The following VPS28 variants were observed in gnomAD, a reference collection of about 807,000 sequenced individuals.
VPS28 encodes VPS28 subunit of ESCRT-I, also known as vacuolar protein sorting-associated protein 28 homolog.
VPS28 carries 29 observed loss-of-function variants against 33.7 expected under a neutral mutation model. That is an observed-to-expected ratio of 0.86 (90% CI 0.64 to 1.17). The LOEUF (loss-of-function observed/expected upper bound fraction) is 1.17, where lower values mean the gene tolerates loss of function less well. Ranked by LOEUF, VPS28 falls within the 50% of genes most tolerant of loss-of-function variation. VPS28 has a pLI of 0.00. For synonymous variants in VPS28, 164 were observed against 116.7 expected, an observed-to-expected ratio of 1.40 and a Z score of -2.61; for missense variants, 247 against 312.2, an observed-to-expected ratio of 0.79 and a Z score of 1.57.
chr8:144,424,936 A>G lies in VPS28; in HGVS notation c.300+10T>C. 1.9e-6 allele frequency: 3 copies of G among 1,593,216 alleles called. No homozygotes were observed. The highest frequency in any genetic ancestry group is 2.6e-6 in the Non-Finnish European group (3 of 1,169,192). Reference sequence around the variant, plus strand: ...CTCGCCCCATGGGGGTGGAAGGACCAGGCACTCACGCGGAACTTGCGGCAG... The same window carrying G: ...CTCGCCCCATGGGGGTGGAAGGACCGGGCACTCACGCGGAACTTGCGGCAG... On this transcript the variant is annotated intron_variant, in intron 6 of 9. Transcript: ENST00000292510.
rs782623371 is a variant in VPS28 at position 144,423,925 on chromosome 8, G to A, written c.549-3C>T. ...ACATGCCGCTCAGGGTCTGCAGCCT[G>A]GGAGTGCAGCACAGGGCATGTGGGG... is the stretch of plus-strand genomic sequence containing the variant. On this transcript the variant is annotated splice_polypyrimidine_tract_variant and splice_region_variant and intron_variant, in intron 9 of 9. Transcript: ENST00000292510. 2.5e-6 allele frequency: 4 copies of A among 1,613,002 alleles called. No homozygotes were observed. Among genetic ancestry groups the A allele is most frequent in the African/African-American group, 2.7e-5 (2 of 74,948 alleles).
intron 2 of VPS28, chr8:144,426,526 AGCTCCCCAGCTCCACCATG>A (rs1822760777): frequency 4.7e-6 from 2 of 426,962 alleles, no homozygotes; most frequent in Non-Finnish European, 8.5e-6. Context: ...TGACAGGCCC[AGCTCCCCAGCTCCACCATG>A]GCTCCCTGGC....
chr8:144,425,247 C>T, intron 5 of VPS28, 196 bp from the exon 6 acceptor site: 1 of 605,546 alleles, frequency 1.7e-6, no homozygotes, highest in South Asian at 2.0e-5. Flanking sequence ...TGTAGCTCGG[C>T]TCCAGGTGGA....
rs1374288156 is a variant in VPS28 at position 144,425,762 on chromosome 8, T to C, written c.115A>G (p.Met39Val). 1.9e-6 allele frequency: 3 copies of C among 1,613,870 alleles called. No homozygotes were observed. Among genetic ancestry groups the C allele is most frequent in the Non-Finnish European group, 2.5e-6 (3 of 1,179,894 alleles). Residue 39 changes from methionine to valine, a missense_variant, in exon 5 of 10, where the codon ATG (methionine) becomes GTG (valine). By Grantham distance (21) the Met-to-Val change is conservative. Transcript: ENST00000292510. ...TTCACCACCGCAAACAGCTCTGCCATGTTGTCGTACCTGAGGACACACCTG... is the reference window on the plus strand; with the variant it reads ...TTCACCACCGCAAACAGCTCTGCCACGTTGTCGTACCTGAGGACACACCTG... The part of the protein sequence containing the change: ...NAREREKYDN[M>V]AELFAVVKTM...
At chr8:144,427,792 G>C (rs556389484) in intron 1 of VPS28, among the ~76,000 whole-genome samples, 1 of 152,378 alleles carries the variant, frequency 6.6e-6, no homozygotes, top group Admixed American at 6.5e-5. Context: ...TTCTCTCTTT[G>C]AAAGTGGAGC....
Position 144,423,691 on chromosome 8 carries a change from C to G in VPS28, c.*114G>C. On this transcript the variant is annotated 3_prime_UTR_variant, in exon 10 of 10. Coordinates refer to ENST00000292510, the MANE Select transcript of VPS28 (RefSeq NM_016208.4). ...TCTGACACCAAAGACAGACACCAGA[C>G]AGGCAGCTGCAGACAGTGAGTTGTG... The G allele has an allele frequency of 2.2e-6, 3 of 1,353,626 alleles. No homozygotes were observed. 83.9% of individuals were successfully genotyped at this position (1,353,626 alleles called of 1,614,324 possible).
In VPS28 at chr8:144,424,124, G is replaced by C; in HGVS notation, c.465C>G (p.Pro155=). Residue 155 remains proline (P), a synonymous_variant, in exon 9 of 10, where the codon CCC becomes CCG. Transcript: ENST00000292510. ...LEIRAMDEIQ[P]DLRELMETMH... is the part of the protein sequence containing the mutation. ...TGGTCTCCATCAGCTCTCGCAGGTCGGGCTGGATCTGAGACACACACAGCG... is the reference window on the plus strand; with the variant it reads ...TGGTCTCCATCAGCTCTCGCAGGTCCGGCTGGATCTGAGACACACACAGCG... 1 of 1,548,786 alleles carries C rather than the reference G, an allele frequency of 6.5e-7. No individual in the cohort carries two copies. The highest frequency in any genetic ancestry group is 8.7e-7 in the Non-Finnish European group (1 of 1,143,994).
intron 7 of VPS28, 43 bp from the exon 8 acceptor site, chr8:144,424,311 C>T (rs371157348): frequency 1.9e-5 from 30 of 1,546,844 alleles, no homozygotes; most frequent in African/African-American, 8.3e-5. Context: ...TCCACGGGTG[C>T]GGGAGGCCCC....
chr8:144,425,209 G>A (rs1554876414), intron 5 of VPS28, 158 bp from the exon 6 acceptor site: 1 of 659,740 alleles, frequency 1.5e-6, no homozygotes, highest in African/African-American at 1.8e-5. Context: ...AGCTTTTGGG[G>A]GTGAGGCCCT....
chr8:144,424,624 C>T, intron 7 of VPS28, 94 bp downstream of exon 7: 1 of 1,354,234 alleles, frequency 7.4e-7, no homozygotes, highest in Non-Finnish European at 1.0e-6. Flanking sequence ...CAGAGTGCTG[C>T]TCAGCTCTGG....
intron 4 of VPS28, 70 bp downstream of exon 4, chr8:144,425,956 C>A: frequency 6.8e-7 from 1 of 1,471,104 alleles, no homozygotes; most frequent in South Asian, 1.4e-5. Context: ...TGGGGTGGGT[C>A]TGGAGGGGCT....
chr8:144,423,900 A>C lies in VPS28; in HGVS notation c.571T>G (p.Ser191Ala). The C allele has an allele frequency of 6.2e-7, 1 of 1,613,102 alleles. No homozygotes were observed. Among genetic ancestry groups the C allele is most frequent in the Non-Finnish European group, 8.5e-7 (1 of 1,180,028 alleles). ...SQWLQTLSGM[S>A]ASDELDDSQV... The stretch of plus-strand genomic sequence containing the variant: ...GAGTCGTCCAGCTCATCTGACGCCG[A>C]CATGCCGCTCAGGGTCTGCAGCCTG... Residue 191 changes from serine to alanine, a missense_variant, in exon 10 of 10, where the codon TCG becomes GCG. By Grantham distance (99) the Ser-to-Ala change is moderately conservative. Around this residue, in one of 3 missense-constraint regions of VPS28, gnomAD observed 95 missense variants for 118.3 expected, o/e 0.80. Transcript: ENST00000292510.
chr8:144,425,122 TC>T, intron 5 of VPS28, 71 bp from the exon 6 acceptor site: 1 of 1,407,920 alleles, frequency 7.1e-7, no homozygotes, highest in Non-Finnish European at 9.8e-7. Context: ...CCTCGGCTGG[TC>T]CAGAGGCAAA....
At chr8:144,425,600 C>T (rs1586666733) in intron 5 of VPS28, 83 bp downstream of exon 5, 2 of 1,481,926 alleles carry the variant, frequency 1.3e-6, no homozygotes, top group East Asian at 2.3e-5. Flanking sequence ...GCCTCCCAGC[C>T]TGACAGACGC....
Position 144,424,955 on chromosome 8 carries a change from G to C in VPS28, c.291C>G (p.Arg97=). 2 of 1,576,282 alleles carry C rather than the reference G, an allele frequency of 1.3e-6. No homozygotes were observed. The highest frequency in any genetic ancestry group is 1.7e-6 in the Non-Finnish European group (2 of 1,159,984). Residue 97 remains arginine (R), a synonymous_variant, in exon 6 of 10, where the codon CGC becomes CGG. Coordinates refer to ENST00000292510, the MANE Select transcript of VPS28 (RefSeq NM_016208.4). The stretch of plus-strand genomic sequence containing the variant: ...AGGACCAGGCACTCACGCGGAACTT[G>C]CGGCAGAATTCGTCAATAGAGCTGA... ...SEISSIDEFC[R]KFRLDCPLAM... is the part of the protein sequence containing the mutation.
intron 1 of VPS28, among the ~76,000 whole-genome samples, chr8:144,427,857 A>C (rs1410864023): frequency 6.6e-6 from 1 of 152,090 alleles, no homozygotes; most frequent in Non-Finnish European, 1.5e-5. Flanking sequence ...GTTACGAACG[A>C]CACCCCTGTT....
intron 5 of VPS28, 105 bp from the exon 6 acceptor site, chr8:144,425,156 C>T (rs1564718770): frequency 8.7e-6 from 9 of 1,038,338 alleles, no homozygotes; most frequent in South Asian, 4.3e-5. Context: ...GAGGACCAGG[C>T]GACAGGCAAA....
At chr8:144,427,733 G>A (rs1428848258) in intron 1 of VPS28, among the ~76,000 whole-genome samples, 3 of 152,248 alleles carry the variant, frequency 2.0e-5, no homozygotes, top group South Asian at 4.1e-4. Context: ...TGGGAGCGGG[G>A]CCCGTGGGAG....
intron 8 of VPS28, 34 bp downstream of exon 8, chr8:144,424,181 C>T: frequency 6.4e-6 from 10 of 1,568,512 alleles, no homozygotes; most frequent in Non-Finnish European, 7.8e-6. Context: ...CCATCCCCTC[C>T]TGCCTAGGCC....
Sources: gnomAD v4.1 joint callset for allele counts (sites outside exome capture counted in the v4.1 genomes callset) on GRCh38, gnomAD v4.1.1 for gene constraint, gnomAD v4.1.1 regional missense constraint, MANE v1.5 for transcripts, NCBI Gene and HGNC (gene_info 2026-07-23, HGNC 2026-07-21) for gene names.